DPYD: variants seen among roughly 807,000 people sequenced by gnomAD.
DPYD encodes the protein dihydropyrimidine dehydrogenase [NADP(+)].
A neutral mutation model predicts 116.2 loss-of-function variants in DPYD; 109 were observed. That is an observed-to-expected ratio of 0.94 (90% CI 0.80 to 1.10). DPYD has a LOEUF of 1.10. Ranked by LOEUF, DPYD falls within the 50% of genes least tolerant of loss-of-function variation. DPYD has a pLI of 0.00. For synonymous variants in DPYD, 440 were observed against 432.0 expected (o/e 1.02, Z -0.23); for missense variants, 1,302 against 1,254.5 (o/e 1.04, Z -0.57).
In DPYD at chr1:97,785,178, G is replaced by A. The variant is rs181612566; in HGVS notation, c.233+42936C>T. On this transcript the variant is annotated intron_variant, in intron 3 of 22. Coordinates refer to ENST00000370192, the MANE Select transcript of DPYD (RefSeq NM_000110.4). ...CATAGCAGCATAGCAAAATATACTTGCATTTTGTATAAGCTTCAAACACCA... is the reference window on the plus strand; with the variant it reads ...CATAGCAGCATAGCAAAATATACTTACATTTTGTATAAGCTTCAAACACCA... Among the ~76,000 whole-genome samples, 462 of 152,144 alleles carry A rather than the reference G, an allele frequency of 3.0e-3. 1 individual carries two copies. Among genetic ancestry groups the A allele is most frequent in the African/African-American group, 0.01 (435 of 41,522 alleles).
At chr1:97,744,126 A>G (rs1664417418) in intron 3 of DPYD, among the ~76,000 whole-genome samples, 1 of 152,086 alleles carries the variant, frequency 6.6e-6, no homozygotes, top group Non-Finnish European at 1.5e-5. Flanking sequence ...ATAAAAATGT[A>G]TGAAAACTTA....
intron 18 of DPYD, among the ~76,000 whole-genome samples, chr1:97,243,189 T>C (rs910636495): frequency 6.6e-6 from 1 of 151,906 alleles, no homozygotes; most frequent in Non-Finnish European, 1.5e-5. Flanking sequence ...GGGGATACTA[T>C]AACTTATTCT....
intron 1 of DPYD, among the ~76,000 whole-genome samples, chr1:97,911,393 A>G (rs1400007738): frequency 6.6e-6 from 1 of 152,140 alleles, no homozygotes; most frequent in Non-Finnish European, 1.5e-5. Flanking sequence ...CAGAGCCTTA[A>G]GCATACCAAT....
At chr1:97,484,076 G>A (rs1194608770) in intron 13 of DPYD, among the ~76,000 whole-genome samples, 1 of 152,154 alleles carries the variant, frequency 6.6e-6, no homozygotes, top group Non-Finnish European at 1.5e-5. Flanking sequence ...AGGACGAGGT[G>A]GGCAGATCAC....
chr1:97,538,335 C>T (rs980295049), intron 12 of DPYD, among the ~76,000 whole-genome samples: 1 of 152,184 alleles, frequency 6.6e-6, no homozygotes, highest in Non-Finnish European at 1.5e-5. Context: ...TCCACTAGGT[C>T]TTGAAATCAC....
At chr1:97,615,376 G>A (rs1393517530) in intron 8 of DPYD, among the ~76,000 whole-genome samples, 3 of 151,944 alleles carry the variant, frequency 2.0e-5, no homozygotes, top group Non-Finnish European at 4.4e-5. Flanking sequence ...GCTGGGTGTC[G>A]GGAATCTATG....
chr1:97,675,747 A>ATCTCTTTT, intron 8 of DPYD, among the ~76,000 whole-genome samples: 1 of 151,476 alleles, frequency 6.6e-6, no homozygotes, highest in South Asian at 2.1e-4. Context: ...AAGAGAAAGT[A>ATCTCTTTT]TCTCTTTTTT....
At chr1:97,095,227 T>C (rs1450780052) in intron 21 of DPYD, among the ~76,000 whole-genome samples, 1 of 152,164 alleles carries the variant, frequency 6.6e-6, no homozygotes, top group Non-Finnish European at 1.5e-5. Context: ...TAGAACCTTG[T>C]CTAATTCATT....
intron 11 of DPYD, among the ~76,000 whole-genome samples, chr1:97,569,016 G>A (rs1163077553): frequency 6.6e-6 from 1 of 152,052 alleles, no homozygotes; most frequent in African/African-American, 2.4e-5. Flanking sequence ...AGGAGGCACA[G>A]AATCACAGAA....
At chr1:97,533,305 T>C (rs1649774592) in intron 12 of DPYD, among the ~76,000 whole-genome samples, 1 of 152,164 alleles carries the variant, frequency 6.6e-6, no homozygotes, top group South Asian at 2.1e-4. Context: ...TGTAGACTAT[T>C]ATAGCCTCTA....
chr1:97,333,517 A>ATTTTTTTTTTTTTTTTT (rs778577478), intron 16 of DPYD, among the ~76,000 whole-genome samples: 3 of 97,050 alleles, frequency 3.1e-5, no homozygotes, highest in African/African-American at 8.4e-5. Flanking sequence ...AAGTCTTAGG[A>ATTTTTTTTTTTTTTTTT]TTTTTTTTTT....
intron 16 of DPYD, 62 bp downstream of exon 16, chr1:97,373,499 A>G: frequency 7.1e-7 from 1 of 1,411,040 alleles, no homozygotes; most frequent in Middle Eastern, 1.8e-4. Context: ...TATAGTAACT[A>G]TCCATACGGG....
chr1:97,831,041 C>A (rs1435534058), intron 2 of DPYD, among the ~76,000 whole-genome samples: 8 of 152,266 alleles, frequency 5.3e-5, no homozygotes, highest in Non-Finnish European at 1.2e-4. Context: ...TTATACCCAA[C>A]AGAACAACAA....
chr1:97,903,455 CA>C (rs1276970666), intron 1 of DPYD, among the ~76,000 whole-genome samples: 1 of 151,694 alleles, frequency 6.6e-6, no homozygotes, highest in Non-Finnish European at 1.5e-5. Context: ...CTATCAATTC[CA>C]AATTTGAGTT....
At chr1:97,824,570 C>A (rs1669133865) in intron 3 of DPYD, among the ~76,000 whole-genome samples, 1 of 152,164 alleles carries the variant, frequency 6.6e-6, no homozygotes, top group East Asian at 1.9e-4. Context: ...GGCTCTCACA[C>A]TAAATGGCAC....
intron 16 of DPYD, among the ~76,000 whole-genome samples, chr1:97,353,079 G>C (rs929032195): frequency 1.3e-5 from 2 of 152,006 alleles, no homozygotes; most frequent in African/African-American, 4.8e-5. Flanking sequence ...GGAAAAAAAG[G>C]AACAAGATGA....
intron 13 of DPYD, among the ~76,000 whole-genome samples, chr1:97,491,176 G>T (rs573111476): frequency 8.9e-5 from 13 of 145,678 alleles, no homozygotes; most frequent in Non-Finnish European, 1.8e-4. Context: ...TACATTATTC[G>T]TAGTATATTA....
intron 3 of DPYD, among the ~76,000 whole-genome samples, chr1:97,751,460 G>GTGTATA (rs763260651): frequency 0.022 from 458 of 21,236 alleles, 16 homozygotes; most frequent in Non-Finnish European, 0.025. Context: ...GTGTGTGTGT[G>GTGTATA]TATATATATA....
At chr1:97,817,315 A>G (rs191118648) in intron 3 of DPYD, among the ~76,000 whole-genome samples, 1 of 152,124 alleles carries the variant, frequency 6.6e-6, no homozygotes, top group African/African-American at 2.4e-5. Flanking sequence ...TCAGAATGGG[A>G]GACTTTTTTC....
Sources: gnomAD v4.1 joint callset for allele counts (sites outside exome capture counted in the v4.1 genomes callset) on GRCh38, gnomAD v4.1.1 for gene constraint, MANE v1.5 for transcripts, NCBI Gene and HGNC (gene_info 2026-07-23, HGNC 2026-07-21) for gene names.